CD9: variants seen among roughly 807,000 people sequenced by gnomAD.
CD9 encodes CD9 molecule.
CD9 carries 10 observed loss-of-function variants against 31.4 expected under a neutral mutation model. That is an observed-to-expected ratio of 0.32 (90% CI 0.20 to 0.54). The LOEUF (loss-of-function observed/expected upper bound fraction) is 0.54. CD9 is among the 20% of genes least tolerant of loss of function. CD9 has a pLI of 0.94. For missense variants in CD9, 259 were observed against 300.1 expected, an observed-to-expected ratio of 0.86 and a Z score of 1.01; for synonymous variants, 113 against 114.1, an observed-to-expected ratio of 0.99 and a Z score of 0.06.
chr12:6,225,303 G>A (rs571771730), intron 1 of CD9, 123 bp from the exon 2 acceptor site: 44 of 681,230 alleles, frequency 6.5e-5, no homozygotes, highest in South Asian at 5.9e-4. Flanking sequence ...ACTACCAGGC[G>A]TATATGAGGG....
intron 1 of CD9, among the ~76,000 whole-genome samples, chr12:6,202,367 A>G (rs1946087035): frequency 6.6e-6 from 1 of 152,050 alleles, no homozygotes; most frequent in Admixed American, 6.5e-5. Context: ...TCTTTCACCA[A>G]TCCCTGGCAG....
At chr12:6,207,181 C>T (rs1946142256) in intron 1 of CD9, among the ~76,000 whole-genome samples, 1 of 152,182 alleles carries the variant, frequency 6.6e-6, no homozygotes, top group South Asian at 2.1e-4. Context: ...CACGCCCAGC[C>T]TGAGCTCACG....
chr12:6,203,504 C>A (rs959079466), intron 1 of CD9, among the ~76,000 whole-genome samples: 12 of 152,140 alleles, frequency 7.9e-5, no homozygotes, highest in African/African-American at 2.9e-4. Context: ...AGAGAGAGGC[C>A]AACCTCAGTG....
chr12:6,229,466 T>TA (rs1477154637), intron 2 of CD9, among the ~76,000 whole-genome samples: 3 of 152,128 alleles, frequency 2.0e-5, no homozygotes, highest in African/African-American at 7.2e-5. Flanking sequence ...GGCAAAGAAG[T>TA]ACAGCGTGTG....
chr12:6,235,225 G>A lies in CD9; in HGVS notation c.349-4G>A. On this transcript the variant is annotated splice_polypyrimidine_tract_variant and splice_region_variant and intron_variant, in intron 4 of 7. Coordinates refer to ENST00000009180, the MANE Select transcript of CD9 (RefSeq NM_001769.4). ...TCTGCCCCTCTCTCGTCTGCCCATT[G>A]TAGGTGATTAAGGAAGTCCAGGAGT... 6.3e-7 allele frequency: 1 copy of A among 1,597,710 alleles called. No individual in the cohort carries two copies. The highest frequency in any genetic ancestry group is 1.1e-5 in the South Asian group (1 of 90,816).
chr12:6,207,938 C>G (rs757639990), intron 1 of CD9, among the ~76,000 whole-genome samples: 5 of 152,260 alleles, frequency 3.3e-5, no homozygotes, highest in Non-Finnish European at 5.9e-5. Flanking sequence ...AAAAGTAACC[C>G]TTCAGGCCAG....
chr12:6,237,301 G>T (rs1333745443), intron 7 of CD9, among the ~76,000 whole-genome samples: 3 of 151,856 alleles, frequency 2.0e-5, no homozygotes. Flanking sequence ...TTTTAAAATA[G>T]AATATTAACA....
chr12:6,200,072 CGTAAGT>C (rs992405044), upstream of CD9: 12 of 152,240 alleles, frequency 7.9e-5, no homozygotes, highest in Non-Finnish European at 1.8e-4. Context: ...GAGGCCTCCA[CGTAAGT>C]CCGCGGTAAA....
chr12:6,218,852 G>T (rs1349073583), intron 1 of CD9, among the ~76,000 whole-genome samples: 2 of 152,080 alleles, frequency 1.3e-5, no homozygotes, highest in Non-Finnish European at 2.9e-5. Context: ...GCACTCTTGG[G>T]TTCTCATGTC....
chr12:6,230,503 C>T (rs992785903), intron 2 of CD9, among the ~76,000 whole-genome samples: 5 of 152,240 alleles, frequency 3.3e-5, no homozygotes, highest in Non-Finnish European at 7.3e-5. Flanking sequence ...TCCCACTCCA[C>T]GGTATTTCAT....
At chr12:6,201,129 C>G (rs572033136) in intron 1 of CD9, among the ~76,000 whole-genome samples, 1 of 152,338 alleles carries the variant, frequency 6.6e-6, no homozygotes, top group African/African-American at 2.4e-5. Context: ...GCCCCGGGAC[C>G]CAGTCCCTGA....
chr12:6,210,835 CTTTTTT>C (rs143561091), intron 1 of CD9, among the ~76,000 whole-genome samples: 20 of 130,896 alleles, frequency 1.5e-4, no homozygotes, highest in Admixed American at 1.2e-3. Flanking sequence ...AGTTGAGCAA[CTTTTTT>C]TTTTTTTTTT....
At chr12:6,211,577 A>G (rs1258494474) in intron 1 of CD9, among the ~76,000 whole-genome samples, 1 of 152,238 alleles carries the variant, frequency 6.6e-6, no homozygotes, top group Non-Finnish European at 1.5e-5. Flanking sequence ...TGCAGATGGA[A>G]TGAGAGCAAG....
At chr12:6,223,032 C>G (rs11064093) in intron 1 of CD9, among the ~76,000 whole-genome samples, 5,512 of 152,288 alleles carry the variant, frequency 0.036, 323 homozygotes, top group African/African-American at 0.12. Context: ...TGAGCACTGT[C>G]TCGCTATCTC....
At chr12:6,229,623 C>G (rs909433262) in intron 2 of CD9, among the ~76,000 whole-genome samples, 1 of 152,106 alleles carries the variant, frequency 6.6e-6, no homozygotes, top group Non-Finnish European at 1.5e-5. Flanking sequence ...GGCCAGAGGC[C>G]CTACCGGATT....
At chr12:6,221,304 G>A (rs567720141) in intron 1 of CD9, among the ~76,000 whole-genome samples, 8 of 152,176 alleles carry the variant, frequency 5.3e-5, no homozygotes, top group South Asian at 2.1e-4. Context: ...GGGCAGGGCC[G>A]CGAGCTGGGA....
At chr12:6,237,453 C>G (rs1946536558) in intron 7 of CD9, among the ~76,000 whole-genome samples, 1 of 152,154 alleles carries the variant, frequency 6.6e-6, no homozygotes, top group Non-Finnish European at 1.5e-5. Flanking sequence ...CCTGTATGGA[C>G]TAGGACTATA....
intron 1 of CD9, among the ~76,000 whole-genome samples, chr12:6,214,936 T>A (rs1025629881): frequency 7.2e-5 from 11 of 152,140 alleles, no homozygotes; most frequent in Admixed American, 4.6e-4. Context: ...TTACCATGAC[T>A]TCCTGGCTCA....
intron 2 of CD9, among the ~76,000 whole-genome samples, chr12:6,226,819 T>C (rs2136627580): frequency 6.6e-6 from 1 of 152,306 alleles, no homozygotes; most frequent in South Asian, 2.1e-4. Flanking sequence ...CAACAGACCA[T>C]TTTTTGGGAG....
Sources: gnomAD v4.1 joint callset for allele counts (sites outside exome capture counted in the v4.1 genomes callset) on GRCh38, gnomAD v4.1.1 for gene constraint, MANE v1.5 for transcripts, NCBI Gene and HGNC (gene_info 2026-07-23, HGNC 2026-07-21) for gene names.